The following NOL6 variants were observed in gnomAD, a reference collection of about 807,000 sequenced individuals.
The protein encoded by NOL6 is nucleolar RNA-associated protein.
In NOL6, 33 loss-of-function variants were observed where a neutral mutation model predicts 131.7. The ratio of observed to expected loss-of-function variants is 0.25; its 90% confidence interval spans 0.19 to 0.33. The LOEUF (loss-of-function observed/expected upper bound fraction) is 0.33. Ranked by LOEUF, NOL6 falls within the 10% of genes least tolerant of loss-of-function variation. The pLI is 1.00. For missense variants in NOL6, 1,297 were observed against 1,494.5 expected, an observed-to-expected ratio of 0.87 and a Z score of 2.18; for synonymous variants, 580 against 605.7, an observed-to-expected ratio of 0.96 and a Z score of 0.62.
In NOL6 at chr9:33,464,057, G is replaced by T. The variant is rs1587215175; in HGVS notation, c.2884C>A (p.Gln962Lys). 6.2e-7 allele frequency: 1 copy of T among 1,613,654 alleles called. No homozygotes were observed. Among genetic ancestry groups the T allele is most frequent in the East Asian group, 2.2e-5 (1 of 44,864 alleles). The change falls in exon 22 of 26, where the codon CAG becomes AAG. Residue 962 changes from glutamine to lysine, a missense_variant. Physicochemically the swap from Gln to Lys is moderately conservative, Grantham distance 53. Transcript: ENST00000297990. ...TGAACCTGGGCTGAGGGTCCATCCT[G>T]TGTCCACACAGAGTTTTTGCGGTCT... ...PQDRKNSVWT[Q>K]DGPSAQILQQ...
chr9:33,473,523 C>T (rs796915133), intron 1 of NOL6, among the ~76,000 whole-genome samples: 3 of 152,312 alleles, frequency 2.0e-5, no homozygotes, highest in African/African-American at 7.2e-5. Context: ...ATAAAAGAAA[C>T]GACCCAAGTG....
intron 25 of NOL6, 28 bp from the exon 26 acceptor site, chr9:33,462,841 T>A: frequency 6.2e-7 from 1 of 1,612,720 alleles, no homozygotes; most frequent in Non-Finnish European, 8.5e-7. Flanking sequence ...GAGATGTGGG[T>A]TGAGTGTCAC....
In NOL6 at chr9:33,473,795, CT is replaced by C. The variant is rs781128766; in HGVS notation, c.47del (p.Glu16GlyfsTer4). ...CCCCGATGGCTCAACCCACCTCTGG[CT>C]CTCCAGTCGCTCCGCGAAGCTGCTC... ...AGEQLRGATG[E>X]PEVMEPALEG... On this transcript the variant is annotated frameshift_variant, in exon 1 of 26. Transcript: ENST00000297990. LOFTEE classifies it high-confidence loss of function. 1 of 1,612,062 alleles carries C rather than the reference CT, an allele frequency of 6.2e-7. No individual in the cohort carries two copies. The highest frequency in any genetic ancestry group is 8.5e-7 in the Non-Finnish European group (1 of 1,180,026).
rs763530908 is a variant in NOL6 at position 33,467,210 on chromosome 9, T to C, written c.1778A>G (p.Gln593Arg). 1.2e-5 allele frequency: 20 copies of C among 1,614,148 alleles called. No individual in the cohort carries two copies. The highest frequency in any genetic ancestry group is 1.7e-5 in the Non-Finnish European group (20 of 1,180,006). Residue 593 changes from glutamine (Q) to arginine (R), a missense_variant, in exon 14 of 26, where the codon CAG becomes CGG. By Grantham distance (43) the Gln-to-Arg change is conservative (BLOSUM62 1). Coordinates refer to ENST00000297990, the MANE Select transcript of NOL6 (RefSeq NM_022917.5). The surrounding 1 kb of genome is among the most constrained non-coding windows in gnomAD (Gnocchi z 4.4). ...CACAGCTTCCCGAATGGCTCCGTCCTGGAAACGCCGAAGCTCCGAGCGGGA... is the reference window on the plus strand; with the variant it reads ...CACAGCTTCCCGAATGGCTCCGTCCCGGAAACGCCGAAGCTCCGAGCGGGA... ...WGSRSELRRF[Q>R]DGAIREAVVW... is the part of the protein sequence containing the mutation.
chr9:33,468,422 G>T lies in NOL6; in HGVS notation c.1207C>A (p.Pro403Thr), dbSNP rs1827309920. The T allele has an allele frequency of 6.2e-7, 1 of 1,614,002 alleles. No homozygotes were observed. The change falls in exon 10 of 26, where the codon CCG becomes ACG. Residue 403 changes from proline to threonine, a missense_variant and splice_region_variant. Coordinates refer to ENST00000297990, the MANE Select transcript of NOL6 (RefSeq NM_022917.5). The part of the protein sequence containing the change: ...SLCLSSDPSL[P>T]ALADFHQAFS... The stretch of plus-strand genomic sequence containing the variant: ...GCCTGGTGGAAGTCAGCCAGGGCCG[G>T]CTTGGGGGGTGTAGAGAGAAGCAGG...
intron 8 of NOL6, 87 bp downstream of exon 8, chr9:33,468,665 T>C: frequency 1.2e-6 from 2 of 1,609,660 alleles, no homozygotes; most frequent in South Asian, 1.1e-5. Flanking sequence ...ATCTGTCTGA[T>C]GGCAAAACAC....
chr9:33,471,428 G>C (rs1827409003), intron 3 of NOL6, among the ~76,000 whole-genome samples: 1 of 152,162 alleles, frequency 6.6e-6, no homozygotes, highest in Non-Finnish European at 1.5e-5. Context: ...TCACCTTTCT[G>C]AACTCATCTC....
Position 33,463,044 on chromosome 9 carries a change from G to A in NOL6, c.3280C>T (p.Gln1094Ter). ...ACCAGCCAGCACACCTTGAAGGGCTGCGGCTGGAAGCTGGTGGGCTTCCAG... is the reference window on the plus strand; with the variant it reads ...ACCAGCCAGCACACCTTGAAGGGCTACGGCTGGAAGCTGGTGGGCTTCCAG... ...VLWKPTSFQP[Q>*]PFKASSTKGR... Residue 1094 changes from glutamine to a stop codon, truncating the protein, a stop_gained, in exon 25 of 26, where the codon CAG becomes TAG. Coordinates refer to ENST00000297990, the MANE Select transcript of NOL6 (RefSeq NM_022917.5). LOFTEE classifies it high-confidence loss of function. 6.2e-7 allele frequency: 1 copy of A among 1,613,404 alleles called. No individual in the cohort carries two copies. Among genetic ancestry groups the A allele is most frequent in the Non-Finnish European group, 8.5e-7 (1 of 1,179,626 alleles).
At chr9:33,465,477 T>TAAGA in intron 19 of NOL6, 118 bp from the exon 20 acceptor site, 3 of 1,249,764 alleles carry the variant, frequency 2.4e-6, no homozygotes, top group Non-Finnish European at 3.3e-6. Context: ...CATATTCTCT[T>TAAGA]AAGAAATGCA....
At position 33,472,241 on chromosome 9, in the gene NOL6, C is replaced by G; in HGVS notation, c.226G>C (p.Glu76Gln). The change falls in exon 2 of 26, where the codon GAG (glutamate) becomes CAG (glutamine). Residue 76 changes from glutamate to glutamine, a missense_variant. Coordinates refer to ENST00000297990, the MANE Select transcript of NOL6 (RefSeq NM_022917.5). ...AGCAAGCTGGAGTGGAACAAGATCTCAGTCTCCCGAAGGCGATTAAGCTCC... is the reference window on the plus strand; with the variant it reads ...AGCAAGCTGGAGTGGAACAAGATCTGAGTCTCCCGAAGGCGATTAAGCTCC... ...NEELNRLRET[E>Q]ILFHSSLLRL... The G allele has an allele frequency of 1.2e-6, 2 of 1,614,228 alleles. No homozygotes were observed. The highest frequency in any genetic ancestry group is 1.7e-6 in the Non-Finnish European group (2 of 1,180,030).
At chr9:33,471,219 C>T (rs1224892297) in intron 3 of NOL6, among the ~76,000 whole-genome samples, 1 of 152,224 alleles carries the variant, frequency 6.6e-6, no homozygotes, top group African/African-American at 2.4e-5. Context: ...ACTGAGATCG[C>T]GCCATTGCAC....
chr9:33,471,470 T>C (rs1260328750), intron 3 of NOL6, among the ~76,000 whole-genome samples: 5 of 152,216 alleles, frequency 3.3e-5, no homozygotes, highest in Non-Finnish European at 5.9e-5. Flanking sequence ...CCAAGGAATG[T>C]AACTGGAACA....
chr9:33,467,474 T>C lies in NOL6; in HGVS notation c.1645A>G (p.Thr549Ala), dbSNP rs935331677. 13 of 1,613,956 alleles carry C rather than the reference T, an allele frequency of 8.1e-6. No individual in the cohort carries two copies. The highest frequency in any genetic ancestry group is 3.3e-5 in the Admixed American group (2 of 59,988). ...QDPPKHKDSG[T>A]LTLGLLLRPE... ...CGGAGAAGGAGTCCCAGGGTCAGGG[T>C]CCCAGAGTCTTTGTGCTTTGGTGGA... Residue 549 changes from threonine to alanine, a missense_variant, in exon 13 of 26, where the codon ACC becomes GCC. Physicochemically the swap from Thr to Ala is moderately conservative, Grantham distance 58. Coordinates refer to ENST00000297990, the MANE Select transcript of NOL6 (RefSeq NM_022917.5). The surrounding 1 kb of genome is among the most constrained non-coding windows in gnomAD (Gnocchi z 4.4).
In NOL6 at chr9:33,466,215, G is replaced by A. The variant is rs1362620510; in HGVS notation, c.2220C>T (p.His740=). 7 of 1,610,978 alleles carry A rather than the reference G, an allele frequency of 4.3e-6. No homozygotes were observed. Among genetic ancestry groups the A allele is most frequent in the Non-Finnish European group, 5.1e-6 (6 of 1,178,256 alleles). Reference sequence around the variant, plus strand: ...GTGGCCACTGGCCACTGCCCTCCAGGTGACAAACCACTGAGGAAGAAGAGT... The same window carrying A: ...GTGGCCACTGGCCACTGCCCTCCAGATGACAAACCACTGAGGAAGAAGAGT... ...AYVEPMTVVC[H]LEGSGQWPQD... Residue 740 remains histidine (H), a synonymous_variant, in exon 18 of 26, where the codon CAC becomes CAT. Coordinates refer to ENST00000297990, the MANE Select transcript of NOL6 (RefSeq NM_022917.5).
chr9:33,461,968 CGGG>C lies in NOL6; in HGVS notation c.*693_*695del. The C allele has an allele frequency of 1.7e-6, 1 of 574,384 alleles. No homozygotes were observed. The highest frequency in any genetic ancestry group is 3.2e-6 in the Non-Finnish European group (1 of 316,488). 35.6% of individuals were successfully genotyped at this position (574,384 alleles called of 1,614,324 possible). On this transcript the variant is annotated 3_prime_UTR_variant, in exon 26 of 26. Transcript: ENST00000297990. ...AAACAGCCAGGGCAGATGCAGCTAACGGGTAGCCCCCAGTGCTTTTTGCACCTC... is the reference window on the plus strand; with the variant it reads ...AAACAGCCAGGGCAGATGCAGCTAACTAGCCCCCAGTGCTTTTTGCACCTC...
intron 10 of NOL6, 74 bp downstream of exon 10, chr9:33,468,247 G>T: frequency 6.2e-7 from 1 of 1,608,328 alleles, no homozygotes; most frequent in Non-Finnish European, 8.5e-7. Context: ...AGTTTCTGGG[G>T]TTCTGGTACT....
rs1352999624 is a variant in NOL6, at chr9:33,469,679, A to G, written c.559-12T>C. 1 of 1,601,240 alleles carries G rather than the reference A, an allele frequency of 6.2e-7. No homozygotes were observed. The highest frequency in any genetic ancestry group is 1.1e-5 in the South Asian group (1 of 89,108). ...TCCTGTAGGATTTCCTGGAGGGGCC[A>G]GGGGAGAAGAGAAGGCCAGGCACAT... is the stretch of plus-strand genomic sequence containing the variant. On this transcript the variant is annotated splice_polypyrimidine_tract_variant and intron_variant, in intron 4 of 25. Coordinates refer to ENST00000297990, the MANE Select transcript of NOL6 (RefSeq NM_022917.5).
chr9:33,466,448 G>A (rs372884254), intron 16 of NOL6, 23 bp from the exon 17 acceptor site: 17 of 1,613,360 alleles, frequency 1.1e-5, no homozygotes, highest in Non-Finnish European at 1.4e-5. Context: ...AGGGGCTGAG[G>A]AATGGGCCTA....
chr9:33,469,432 C>A, intron 5 of NOL6, 67 bp downstream of exon 5: 2 of 1,598,386 alleles, frequency 1.3e-6, no homozygotes, highest in Non-Finnish European at 1.7e-6. Context: ...GGCCTCCGTG[C>A]CTCTGTGCCT....
Sources: gnomAD v4.1 joint callset for allele counts (sites outside exome capture counted in the v4.1 genomes callset) on GRCh38, gnomAD v4.1.1 for gene constraint, Gnocchi (gnomAD v3.1) non-coding constraint, MANE v1.5 for transcripts, NCBI Gene and HGNC (gene_info 2026-07-23, HGNC 2026-07-21) for gene names.